The following DLGAP2 variants were observed in gnomAD, a reference collection of about 807,000 sequenced individuals.
DLGAP2 encodes the protein disks large-associated protein 2.
Under a neutral mutation model 100.3 loss-of-function variants are expected in DLGAP2, and 26 were observed. The observed-to-expected ratio is 0.26, with a 90% CI of 0.19 to 0.36. DLGAP2 has a LOEUF of 0.36. Ranked by LOEUF, DLGAP2 falls within the 10% of genes least tolerant of loss-of-function variation. The pLI, the probability that DLGAP2 is intolerant of heterozygous loss-of-function variation, is 1.00. For synonymous variants in DLGAP2, 886 were observed against 630.1 expected (o/e 1.41, Z -6.08); for missense variants, 1,858 against 1,453.2 (o/e 1.28, Z -4.53).
intron 8 of DLGAP2, among the ~76,000 whole-genome samples, chr8:1,658,924 G>A (rs1043674021): frequency 6.6e-6 from 1 of 152,048 alleles, no homozygotes; most frequent in Non-Finnish European, 1.5e-5. Context: ...TGTGATGTTA[G>A]GGTGTCAATT....
intron 3 of DLGAP2, among the ~76,000 whole-genome samples, chr8:1,305,423 C>G (rs1043112644): frequency 3.3e-5 from 5 of 152,178 alleles, no homozygotes; most frequent in Admixed American, 6.5e-5. Flanking sequence ...TTAGTCCTTA[C>G]AGTTTTCATG....
At chr8:1,414,239 G>C (rs1796815725) in intron 3 of DLGAP2, among the ~76,000 whole-genome samples, 1 of 152,210 alleles carries the variant, frequency 6.6e-6, no homozygotes, top group South Asian at 2.1e-4. Flanking sequence ...GAATGGCAGG[G>C]GTGTTCTGTG....
At chr8:962,083 A>G (rs752139557) in intron 2 of DLGAP2, among the ~76,000 whole-genome samples, 11 of 152,358 alleles carry the variant, frequency 7.2e-5, no homozygotes, top group Admixed American at 2.0e-4. Flanking sequence ...TAGCATTTGT[A>G]AAAGCATTTC....
At chr8:766,581 C>G (rs1406239780) in intron 1 of DLGAP2, among the ~76,000 whole-genome samples, 1 of 152,178 alleles carries the variant, frequency 6.6e-6, no homozygotes, top group East Asian at 1.9e-4. Flanking sequence ...AGAGCCAGAT[C>G]TCATTCCACC....
At chr8:781,613 C>T (rs868296831) in intron 1 of DLGAP2, among the ~76,000 whole-genome samples, 38 of 152,196 alleles carry the variant, frequency 2.5e-4, no homozygotes, top group African/African-American at 4.1e-4. Flanking sequence ...TGGTGGGGAG[C>T]GCTGAGCCCA....
At chr8:779,033 A>G (rs1382104849) in intron 1 of DLGAP2, among the ~76,000 whole-genome samples, 1 of 150,890 alleles carries the variant, frequency 6.6e-6, no homozygotes, top group Admixed American at 6.6e-5. Flanking sequence ...TGCAGGATAT[A>G]ATCTTGTGGT....
At chr8:1,359,911 T>G (rs1801941183) in intron 3 of DLGAP2, among the ~76,000 whole-genome samples, 1 of 152,214 alleles carries the variant, frequency 6.6e-6, no homozygotes, top group East Asian at 1.9e-4. Flanking sequence ...GGAATTTTGC[T>G]AAGGCAATTG....
Position 1,196,514 on chromosome 8 carries a change from C to G in DLGAP2, c.74-62337C>G, listed in dbSNP as rs74363473. Among the ~76,000 whole-genome samples, 1,075 of 152,236 alleles carry G rather than the reference C, an allele frequency of 7.1e-3. 22 individuals carry two copies. Among genetic ancestry groups the G allele is most frequent in the East Asian group, 0.069 (359 of 5,166 alleles). On this transcript the variant is annotated intron_variant, in intron 2 of 14. Transcript: ENST00000637795. The stretch of plus-strand genomic sequence containing the variant: ...GTTTCAAGCCTGAGCTGGAACAAGT[C>G]GTCTGTGATTTTCATAGCATGGAGT...
chr8:1,132,125 G>A (rs1239147517), intron 2 of DLGAP2, among the ~76,000 whole-genome samples: 3 of 152,122 alleles, frequency 2.0e-5, no homozygotes, highest in African/African-American at 4.8e-5. Flanking sequence ...TGTGTTAATT[G>A]CAAAATCAAC....
intron 2 of DLGAP2, among the ~76,000 whole-genome samples, chr8:952,138 A>G (rs767340629): frequency 1.1e-4 from 16 of 152,102 alleles, no homozygotes; most frequent in Non-Finnish European, 1.6e-4. Flanking sequence ...CAGCTCATGG[A>G]GCCTGCATTG....
chr8:1,285,726 T>G (rs1184453201), intron 3 of DLGAP2, among the ~76,000 whole-genome samples: 1 of 152,218 alleles, frequency 6.6e-6, no homozygotes, highest in Non-Finnish European at 1.5e-5. Flanking sequence ...CCCAATACTT[T>G]AGTAGGCTGA....
chr8:808,243 G>T (rs1298231738), intron 1 of DLGAP2, among the ~76,000 whole-genome samples: 3 of 152,204 alleles, frequency 2.0e-5, no homozygotes, highest in Non-Finnish European at 2.9e-5. Flanking sequence ...ACGTGTTGAC[G>T]ATGACTTACA....
intron 2 of DLGAP2, among the ~76,000 whole-genome samples, chr8:1,187,460 A>T (rs1394649158): frequency 1.5e-5 from 2 of 129,306 alleles, no homozygotes; most frequent in Non-Finnish European, 1.6e-5. Context: ...CACACCCGGG[A>T]CCTCCGTGAC....
chr8:748,164 C>G (rs1448245366), intron 1 of DLGAP2, among the ~76,000 whole-genome samples: 10 of 45,800 alleles, frequency 2.2e-4, no homozygotes, highest in South Asian at 1.2e-3. Flanking sequence ...ATGGGCGGGT[C>G]TGCGGTGGGA....
chr8:1,496,590 C>A (rs960068270), intron 3 of DLGAP2, among the ~76,000 whole-genome samples: 3 of 152,162 alleles, frequency 2.0e-5, no homozygotes, highest in Admixed American at 2.0e-4. Context: ...GTGGCGCACC[C>A]AGCACAGTGA....
chr8:1,190,287 G>T (rs1022533352), intron 2 of DLGAP2, among the ~76,000 whole-genome samples: 2 of 152,136 alleles, frequency 1.3e-5, no homozygotes, highest in African/African-American at 4.8e-5. Flanking sequence ...TGGCACCAAC[G>T]TGCCCTCCAT....
Position 1,468,512 on chromosome 8 carries a change from G to A in DLGAP2, c.107-32854G>A, listed in dbSNP as rs148184644. Among the ~76,000 whole-genome samples the A allele has an allele frequency of 2.0e-3, 310 of 152,338 alleles. 1 individual carries two copies. In the Middle Eastern group the frequency reaches 0.027, roughly 13 times the overall value. ...CTGGCCCTGAGTCCTTAGCAGCCAT[G>A]GTGGGTTCTGAGAACCACACCTGTT... On this transcript the variant is annotated intron_variant, in intron 3 of 14. Transcript: ENST00000637795.
chr8:1,046,380 C>T (rs1339769826), intron 2 of DLGAP2, among the ~76,000 whole-genome samples: 1 of 152,178 alleles, frequency 6.6e-6, no homozygotes, highest in African/African-American at 2.4e-5. Flanking sequence ...GCTTGTACTT[C>T]ATGATCTAAA....
intron 2 of DLGAP2, among the ~76,000 whole-genome samples, chr8:1,193,186 C>A (rs558187894): frequency 1.9e-4 from 29 of 152,234 alleles, no homozygotes; most frequent in South Asian, 1.7e-3. Flanking sequence ...GGGTATATAA[C>A]CGGTAATGGG....
Sources: gnomAD v4.1 joint callset for allele counts (sites outside exome capture counted in the v4.1 genomes callset) on GRCh38, gnomAD v4.1.1 for gene constraint, MANE v1.5 for transcripts, NCBI Gene and HGNC (gene_info 2026-07-23, HGNC 2026-07-21) for gene names.